Variants in SLIT3 observed in about 807,000 individuals in gnomAD.
SLIT3 encodes slit guidance ligand 3, also known as slit homolog 3 protein.
SLIT3 carries 68 observed loss-of-function variants against 184.0 expected under a neutral mutation model. The ratio of observed to expected loss-of-function variants is 0.37; its 90% confidence interval spans 0.30 to 0.45. SLIT3 has a LOEUF of 0.45. Ranked by LOEUF, SLIT3 falls within the 20% of genes least tolerant of loss-of-function variation. SLIT3 has a pLI of 1.00. For synonymous variants in SLIT3, 831 were observed against 828.6 expected, an observed-to-expected ratio of 1.00 and a Z score of -0.05; for missense variants, 1,707 against 2,026.0, an observed-to-expected ratio of 0.84 and a Z score of 3.02.
intron 4 of SLIT3, among the ~76,000 whole-genome samples, chr5:169,110,059 G>C (rs1207821561): frequency 6.6e-6 from 1 of 152,142 alleles, no homozygotes. Flanking sequence ...TGTTGGCCAG[G>C]CTTGTCTTGA....
chr5:168,723,632 T>A (rs1763015137), intron 21 of SLIT3, among the ~76,000 whole-genome samples: 1 of 152,196 alleles, frequency 6.6e-6, no homozygotes, highest in Admixed American at 6.5e-5. Flanking sequence ...ATTCATTTAC[T>A]CCGTCTTATC....
In SLIT3 at chr5:169,235,331, TA is replaced by T. The variant is rs35775789; in HGVS notation, c.341+9373del. 4.6e-5 allele frequency among the ~76,000 whole-genome samples: 7 copies of T among 152,210 alleles called. 1 individual carries two copies. The highest frequency in any genetic ancestry group is 3.9e-4 in the Admixed American group (6 of 15,282). On this transcript the variant is annotated intron_variant, in intron 3 of 35. Transcript: ENST00000519560. ...AAAATATATGTATGTATTTTTGGCA[TA>T]AAAAACATTTATTTTGCTCGTAAGT...
intron 4 of SLIT3, among the ~76,000 whole-genome samples, chr5:169,039,115 T>C (rs1442897657): frequency 6.6e-6 from 1 of 152,084 alleles, no homozygotes; most frequent in Non-Finnish European, 1.5e-5. Context: ...TAGTTACATA[T>C]GTATACATGT....
chr5:168,716,121 G>C (rs9313424), intron 23 of SLIT3, among the ~76,000 whole-genome samples: 4,176 of 152,274 alleles, frequency 0.027, 193 homozygotes, highest in African/African-American at 0.095. Flanking sequence ...GTGTGCGCCA[G>C]CATGCCCAGC....
chr5:168,915,002 A>G (rs534506507), intron 4 of SLIT3, among the ~76,000 whole-genome samples: 4 of 152,336 alleles, frequency 2.6e-5, no homozygotes, highest in African/African-American at 7.2e-5. Context: ...ATAAAAATCC[A>G]TGAGTTCATA....
chr5:168,707,189 A>G (rs1762398140), intron 26 of SLIT3: 1 of 152,262 alleles, frequency 6.6e-6, no homozygotes, highest in South Asian at 2.1e-4. Flanking sequence ...TGAACTCTTG[A>G]CAGTCTGAGG....
intron 1 of SLIT3, among the ~76,000 whole-genome samples, chr5:169,255,524 C>T (rs1327412054): frequency 6.6e-6 from 1 of 151,976 alleles, no homozygotes; most frequent in African/African-American, 2.4e-5. Context: ...TTTTGTATAC[C>T]TATACAGTTT....
In SLIT3 at chr5:169,251,636, T is replaced by C. The variant is rs547130795; in HGVS notation, c.198-177A>G. 1.4e-3 allele frequency among the ~76,000 whole-genome samples: 216 copies of C among 152,316 alleles called. 1 individual carries two copies. Among genetic ancestry groups the C allele is most frequent in the African/African-American group, 5.1e-3 (211 of 41,566 alleles). On this transcript the variant is annotated intron_variant, in intron 1 of 35. Transcript: ENST00000519560. ...TAAGGATATTGTATGGAATAAACCA[T>C]TCATTATGCACATAGCAGAACTCTT...
chr5:168,678,015 T>G (rs1400104526), intron 32 of SLIT3, among the ~76,000 whole-genome samples: 1 of 152,136 alleles, frequency 6.6e-6, no homozygotes, highest in Non-Finnish European at 1.5e-5. Context: ...AGGAGGGGAC[T>G]CTTGTGAGTC....
chr5:168,759,777 C>T (rs765207193), intron 16 of SLIT3, among the ~76,000 whole-genome samples: 44 of 152,056 alleles, frequency 2.9e-4, no homozygotes, highest in Non-Finnish European at 7.4e-5. Flanking sequence ...GTCAGTGAGT[C>T]GGCGAATTCT....
intron 5 of SLIT3, among the ~76,000 whole-genome samples, chr5:168,864,751 A>G (rs17070562): frequency 0.072 from 11,016 of 152,274 alleles, 921 homozygotes; most frequent in African/African-American, 0.21. Flanking sequence ...TGGGCCATAT[A>G]TACTGATGAA....
At chr5:168,889,303 C>T (rs1366546983) in intron 4 of SLIT3, among the ~76,000 whole-genome samples, 1 of 152,124 alleles carries the variant, frequency 6.6e-6, no homozygotes, top group Non-Finnish European at 1.5e-5. Flanking sequence ...AGCATATGTC[C>T]CAGCTAAGCT....
chr5:169,279,934 C>T (rs1159756779), intron 1 of SLIT3, among the ~76,000 whole-genome samples: 1 of 152,254 alleles, frequency 6.6e-6, no homozygotes. Flanking sequence ...CACTTATTAG[C>T]AGTCACCACG....
At chr5:169,188,082 C>T (rs1763420661) in intron 4 of SLIT3, among the ~76,000 whole-genome samples, 1 of 152,128 alleles carries the variant, frequency 6.6e-6, no homozygotes, top group African/African-American at 2.4e-5. Flanking sequence ...CTCAGCCTCC[C>T]AAGTAGCTGG....
intron 3 of SLIT3, among the ~76,000 whole-genome samples, chr5:169,227,900 AT>A (rs1387200720): frequency 1.3e-5 from 2 of 152,336 alleles, no homozygotes; most frequent in East Asian, 3.9e-4. Context: ...TGTGCTCCTC[AT>A]CTTCAAGATG....
At chr5:168,742,933 C>A (rs1763680218) in intron 20 of SLIT3, among the ~76,000 whole-genome samples, 1 of 151,974 alleles carries the variant, frequency 6.6e-6, no homozygotes, top group African/African-American at 2.4e-5. Flanking sequence ...TCGAGACTAT[C>A]CTGGCCAACA....
intron 4 of SLIT3, among the ~76,000 whole-genome samples, chr5:168,886,682 G>C (rs1042036870): frequency 2.6e-5 from 4 of 152,112 alleles, no homozygotes; most frequent in African/African-American, 9.7e-5. Flanking sequence ...GTGCAGGAGT[G>C]GGAGGTGTGC....
chr5:169,298,396 G>A (rs1488623759), intron 1 of SLIT3, among the ~76,000 whole-genome samples: 1 of 152,116 alleles, frequency 6.6e-6, no homozygotes, highest in South Asian at 2.1e-4. Context: ...AAGATGACTC[G>A]GTGGCATGCT....
At chr5:169,083,968 G>A (rs1447534672) in intron 4 of SLIT3, among the ~76,000 whole-genome samples, 1 of 152,178 alleles carries the variant, frequency 6.6e-6, no homozygotes, top group Admixed American at 6.5e-5. Context: ...TTCTCTGCCT[G>A]TTACTCCCTT....
Sources: allele counts gnomAD v4.1 joint callset (sites outside exome capture counted in the v4.1 genomes callset), GRCh38; gene constraint gnomAD v4.1.1; transcripts MANE v1.5; gene names NCBI Gene and HGNC (gene_info 2026-07-23, HGNC 2026-07-21).